The following RABEP1 variants were observed in gnomAD, a reference collection of about 807,000 sequenced individuals.
RABEP1 encodes the protein rab GTPase-binding effector protein 1.
In RABEP1, 51 loss-of-function variants were observed where a neutral mutation model predicts 123.4. The observed-to-expected ratio is 0.41, with a 90% confidence interval of 0.33 to 0.52. The LOEUF (loss-of-function observed/expected upper bound fraction) is 0.52. Among genes scored for constraint, RABEP1 ranks in the 20% least tolerant of loss-of-function variants. The pLI, the probability that RABEP1 is intolerant of heterozygous loss-of-function variation, is 0.16. For missense variants in RABEP1, 888 were observed against 996.3 expected (o/e 0.89, Z 1.46); for synonymous variants, 347 against 355.2 (o/e 0.98, Z 0.26).
At chr17:5,381,810 G>A (rs1390592729) in intron 17 of RABEP1, 3 of 219,820 alleles carry the variant, frequency 1.4e-5, no homozygotes, top group Admixed American at 5.6e-5. Flanking sequence ...TCATCTCTCT[G>A]CCTTGTTTTA....
intron 2 of RABEP1, among the ~76,000 whole-genome samples, chr17:5,330,742 G>T (rs1018330665): frequency 6.6e-6 from 1 of 152,060 alleles, no homozygotes; most frequent in African/African-American, 2.4e-5. Context: ...GTAAGTTAAG[G>T]CCGGGCGCGG....
At chr17:5,344,130 A>G (rs1176687521) in intron 5 of RABEP1, among the ~76,000 whole-genome samples, 4 of 152,226 alleles carry the variant, frequency 2.6e-5, no homozygotes, top group Admixed American at 6.5e-5. Context: ...AATACCTCAT[A>G]ACTGACAAAA....
chr17:5,385,441 C>T lies in RABEP1; in HGVS notation c.*2218C>T, dbSNP rs1911872563. 1.5e-5 allele frequency: 3 copies of T among 200,418 alleles called. No homozygotes were observed. The highest frequency in any genetic ancestry group is 5.3e-5 in the African/African-American group (2 of 37,560). 12.4% of individuals were successfully genotyped at this position (200,418 alleles called of 1,614,324 possible). On this transcript the variant is annotated 3_prime_UTR_variant, in exon 18 of 18. Coordinates refer to ENST00000537505, the MANE Select transcript of RABEP1 (RefSeq NM_004703.6). Reference sequence around the variant, plus strand: ...ACCTTATCATGTGGCTTTTAATTGACAGTCACTCAGCCATTTCTAAGCAGA... The same window carrying T: ...ACCTTATCATGTGGCTTTTAATTGATAGTCACTCAGCCATTTCTAAGCAGA...
intron 5 of RABEP1, among the ~76,000 whole-genome samples, chr17:5,341,315 AT>A (rs1375316038): frequency 6.6e-6 from 1 of 152,208 alleles, no homozygotes; most frequent in East Asian, 1.9e-4. Flanking sequence ...AAATTTAAAA[AT>A]AACAAATACT....
intron 7 of RABEP1, 146 bp from the exon 8 acceptor site, chr17:5,354,213 A>T: frequency 1.6e-6 from 1 of 626,156 alleles, no homozygotes. Context: ...AGGCCCTTAG[A>T]TGGGATTACA....
intron 8 of RABEP1, among the ~76,000 whole-genome samples, chr17:5,354,797 A>G (rs1379143204): frequency 1.3e-5 from 2 of 152,208 alleles, no homozygotes; most frequent in Non-Finnish European, 2.9e-5. Flanking sequence ...TGAATAGTAC[A>G]TGTTGCTAAT....
chr17:5,354,109 A>G (rs1391033048), intron 7 of RABEP1, among the ~76,000 whole-genome samples: 1 of 151,990 alleles, frequency 6.6e-6, no homozygotes, highest in Admixed American at 6.6e-5. Flanking sequence ...TACTTTATAC[A>G]GTATACTTTT....
chr17:5,363,160 C>G lies in RABEP1; in HGVS notation c.1668+144C>G. 3 of 629,178 alleles carry G rather than the reference C, an allele frequency of 4.8e-6. No homozygotes were observed. The South Asian group carries it at 5.8e-5, about 12-fold the overall frequency. 39.0% of individuals were successfully genotyped at this position (629,178 alleles called of 1,614,324 possible). On this transcript the variant is annotated intron_variant, in intron 10 of 17. Transcript: ENST00000537505. Reference sequence around the variant, plus strand: ...AAGTTATGAAATAACCTGGTACATGCAATGGCAGTTACATTTCCAGTGGGA... The same window carrying G: ...AAGTTATGAAATAACCTGGTACATGGAATGGCAGTTACATTTCCAGTGGGA...
In RABEP1 at chr17:5,386,234, T is replaced by C. The variant is rs61753103; in HGVS notation, c.*3011T>C. 12,570 of 1,613,434 alleles carry C rather than the reference T, an allele frequency of 7.8e-3. 69 individuals carry two copies. Among genetic ancestry groups the C allele is most frequent in the Non-Finnish European group, 9.4e-3 (11,065 of 1,179,704 alleles). Reference sequence around the variant, plus strand: ...GAAGTTTACATGATTGCGGATATCATTGATTTGCTTCACCATTTCCCTTAT... The same window carrying C: ...GAAGTTTACATGATTGCGGATATCACTGATTTGCTTCACCATTTCCCTTAT... On this transcript the variant is annotated 3_prime_UTR_variant, in exon 18 of 18. Transcript: ENST00000537505.
At chr17:5,298,749 G>A (rs555868261) in intron 1 of RABEP1, among the ~76,000 whole-genome samples, 5 of 151,436 alleles carry the variant, frequency 3.3e-5, no homozygotes, top group East Asian at 3.9e-4. Context: ...TCCGCCTCCC[G>A]GGTTCATGCC....
At chr17:5,361,755 C>A in intron 9 of RABEP1, 80 bp downstream of exon 9, 2 of 1,235,436 alleles carry the variant, frequency 1.6e-6, no homozygotes, top group Non-Finnish European at 2.2e-6. Context: ...GTTCATTCAA[C>A]AGACGGTTCC....
chr17:5,348,977 A>G (rs1908299610), intron 6 of RABEP1, among the ~76,000 whole-genome samples: 1 of 152,166 alleles, frequency 6.6e-6, no homozygotes, highest in Non-Finnish European at 1.5e-5. Context: ...CCCCATCACC[A>G]CTGTCTAATT....
chr17:5,382,930 C>CAAAAAAAAAA (rs971836974), intron 17 of RABEP1, among the ~76,000 whole-genome samples, 192 bp from the exon 18 acceptor site: 6 of 151,308 alleles, frequency 4.0e-5, no homozygotes, highest in African/African-American at 1.5e-4. Context: ...CTCTCCCCCC[C>CAAAAAAAAAA]AAAAAAAAAT....
intron 11 of RABEP1, among the ~76,000 whole-genome samples, chr17:5,366,281 G>C (rs1157072754): frequency 6.6e-6 from 1 of 152,156 alleles, no homozygotes; most frequent in Non-Finnish European, 1.5e-5. Context: ...GGGATTTTCT[G>C]TGTGTGAGAG....
intron 16 of RABEP1, 60 bp downstream of exon 16, chr17:5,380,522 C>T: frequency 7.5e-7 from 1 of 1,333,008 alleles, no homozygotes; most frequent in Non-Finnish European, 1.0e-6. Context: ...AGGATCACAT[C>T]TTGCTTGTTG....
intron 8 of RABEP1, 24 bp from the exon 9 acceptor site, chr17:5,361,184 G>T: frequency 6.3e-7 from 1 of 1,585,612 alleles, no homozygotes; most frequent in Non-Finnish European, 8.6e-7. Context: ...GTCTAACTTG[G>T]CCATATGTAT....
rs577241955 is a variant in RABEP1, at chr17:5,287,061, A to G, written c.34+4541A>G. 7.2e-5 allele frequency among the ~76,000 whole-genome samples: 11 copies of G among 152,240 alleles called. No homozygotes were observed. In the East Asian group the frequency reaches 2.1e-3, roughly 29 times the overall value. ...CTGGCATGTTTGAGTAATGGCATGG[A>G]GGTCAGTCTGGCTGGAATGATGTTA... On this transcript the variant is annotated intron_variant, in intron 1 of 17. Transcript: ENST00000537505.
At chr17:5,343,748 T>G (rs2144630738) in intron 5 of RABEP1, among the ~76,000 whole-genome samples, 1 of 144,260 alleles carries the variant, frequency 6.9e-6, no homozygotes, top group East Asian at 2.2e-4. Flanking sequence ...TGATCTTGGC[T>G]CACTGCACCC....
At chr17:5,315,310 A>T (rs1597347099) in intron 2 of RABEP1, among the ~76,000 whole-genome samples, 1 of 152,354 alleles carries the variant, frequency 6.6e-6, no homozygotes, top group East Asian at 1.9e-4. Context: ...TAGAGACGAT[A>T]CAGAGGTTTT....
Sources: allele counts gnomAD v4.1 joint callset (sites outside exome capture counted in the v4.1 genomes callset), GRCh38; gene constraint gnomAD v4.1.1; transcripts MANE v1.5; gene names NCBI Gene and HGNC (gene_info 2026-07-23, HGNC 2026-07-21).